Variants in CSTF3 observed in about 807,000 individuals in gnomAD.
CSTF3 encodes cleavage stimulation factor subunit 3.
In CSTF3, 29 loss-of-function variants were observed where a neutral mutation model predicts 105.8. The ratio of observed to expected loss-of-function variants is 0.27; its 90% CI spans 0.20 to 0.37. CSTF3 has a LOEUF of 0.37. Among genes scored for constraint, CSTF3 ranks in the 10% least tolerant of loss-of-function variants. CSTF3 has a pLI of 1.00. For synonymous variants in CSTF3, 252 were observed against 281.9 expected (o/e 0.89, Z 1.06); for missense variants, 357 against 879.3 (o/e 0.41, Z 7.51).
chr11:33,110,887 A>T (rs1283895772), intron 3 of CSTF3, among the ~76,000 whole-genome samples: 1 of 152,220 alleles, frequency 6.6e-6, no homozygotes, highest in Non-Finnish European at 1.5e-5. Flanking sequence ...CTAATAAAAA[A>T]AAAATGTATC....
At chr11:33,121,176 A>G (rs1205065224) in intron 3 of CSTF3, among the ~76,000 whole-genome samples, 4 of 152,116 alleles carry the variant, frequency 2.6e-5, no homozygotes, top group African/African-American at 9.7e-5. Context: ...AAAAGTAGAC[A>G]TAGCTAACCA....
chr11:33,157,684 A>C (rs1849884945), intron 1 of CSTF3, among the ~76,000 whole-genome samples: 1 of 152,222 alleles, frequency 6.6e-6, no homozygotes, highest in Non-Finnish European at 1.5e-5. Context: ...TAGCACCAAG[A>C]GAAAAATGAC....
At chr11:33,146,088 A>C (rs11032170) in intron 1 of CSTF3, among the ~76,000 whole-genome samples, 18,850 of 151,590 alleles carry the variant, frequency 0.12, 2,937 homozygotes, top group African/African-American at 0.37. Context: ...AAATACAAAA[A>C]TTAGCTGGGA....
chr11:33,135,725 C>T (rs940354059), intron 3 of CSTF3, among the ~76,000 whole-genome samples: 3 of 152,104 alleles, frequency 2.0e-5, no homozygotes, highest in Admixed American at 6.6e-5. Context: ...GAAAAAATTT[C>T]CAGGGAAACC....
chr11:33,111,058 G>A (rs1377799651), intron 3 of CSTF3, among the ~76,000 whole-genome samples: 2 of 151,960 alleles, frequency 1.3e-5, no homozygotes, highest in Non-Finnish European at 2.9e-5. Context: ...GTGAAACCCC[G>A]TGTCTACTAA....
chr11:33,131,407 G>GA (rs1336829484), intron 3 of CSTF3, among the ~76,000 whole-genome samples: 1 of 152,026 alleles, frequency 6.6e-6, no homozygotes, highest in Non-Finnish European at 1.5e-5. Context: ...CCTGATCAAA[G>GA]AAAGAGTCAG....
rs1366190489 is a variant in CSTF3, at chr11:33,106,118, T to C, written c.357-54A>G. On this transcript the variant is annotated intron_variant, in intron 5 of 20. Transcript: ENST00000323959. ...TAAATTTTTTTGTTATTAAAATTTATCTACAATTAGGCCAGACATGGTGGC... is the reference window on the plus strand; with the variant it reads ...TAAATTTTTTTGTTATTAAAATTTACCTACAATTAGGCCAGACATGGTGGC... 1.0e-5 allele frequency: 14 copies of C among 1,397,176 alleles called. No homozygotes were observed. The Admixed American group carries it at 2.1e-4, about 20-fold the overall frequency. The allele number at this position is 1,397,176 out of a possible 1,614,324, so 86.5% of individuals were successfully genotyped here.
intron 3 of CSTF3, among the ~76,000 whole-genome samples, chr11:33,112,877 G>A (rs1340266874): frequency 6.6e-6 from 1 of 151,974 alleles, no homozygotes; most frequent in Non-Finnish European, 1.5e-5. Flanking sequence ...AATAGAAAAT[G>A]TCTCCATTTA....
chr11:33,096,179 T>G (rs1855221378), intron 15 of CSTF3, 127 bp downstream of exon 15: 5 of 582,418 alleles, frequency 8.6e-6, no homozygotes, highest in Non-Finnish European at 1.4e-5. Flanking sequence ...AAGTATTTCT[T>G]GAGTGCCTAA....
chr11:33,104,470 T>C (rs528532081), intron 8 of CSTF3, among the ~76,000 whole-genome samples: 1 of 152,300 alleles, frequency 6.6e-6, no homozygotes, highest in Non-Finnish European at 1.5e-5. Context: ...ACATTTTTTG[T>C]TTTGGAAAAT....
In CSTF3 at chr11:33,111,658, A is replaced by G. The variant is rs539231767; in HGVS notation, c.226-3240T>C. On this transcript the variant is annotated intron_variant, in intron 3 of 20. Transcript: ENST00000323959. ...TCAGTAAAAATTATGTCTATTATGT[A>G]TATCTACGAAATAACCAAATTTTGC... Among the ~76,000 whole-genome samples the G allele has an allele frequency of 3.3e-5, 5 of 152,326 alleles. No homozygotes were observed. In the East Asian group the frequency reaches 7.7e-4, roughly 23 times the overall value.
chr11:33,146,373 A>G (rs1478490339), intron 1 of CSTF3, among the ~76,000 whole-genome samples: 2 of 152,186 alleles, frequency 1.3e-5, no homozygotes, highest in African/African-American at 4.8e-5. Context: ...CTATAGTTAC[A>G]TAAGACTGAA....
At chr11:33,108,318 A>C in intron 4 of CSTF3, 68 bp downstream of exon 4, 1 of 1,268,398 alleles carries the variant, frequency 7.9e-7, no homozygotes, top group Non-Finnish European at 1.0e-6. Flanking sequence ...ATTTTACTAC[A>C]TCTGTCTTAT....
chr11:33,158,328 G>A (rs1223353682), intron 1 of CSTF3, among the ~76,000 whole-genome samples: 1 of 152,096 alleles, frequency 6.6e-6, no homozygotes, highest in African/African-American at 2.4e-5. Flanking sequence ...AAAGAAAAAT[G>A]GCTATCACTG....
Position 33,090,589 on chromosome 11 carries a change from G to A in CSTF3, c.1584C>T (p.Tyr528=), listed in dbSNP as rs1410608804. 6.2e-7 allele frequency: 1 copy of A among 1,609,692 alleles called. No individual in the cohort carries two copies. The highest frequency in any genetic ancestry group is 8.5e-7 in the Non-Finnish European group (1 of 1,178,674). ...AGCAAGGATATAAATCCATGAACTT[G>A]TATCTATCTACTAGTAAAGCCGTTT... is the stretch of plus-strand genomic sequence containing the variant. ...GKETALLVDR[Y]KFMDLYPCSA... Residue 528 remains tyrosine (Y), a synonymous_variant, in exon 17 of 21, where the codon TAC becomes TAT. Coordinates refer to ENST00000323959, the MANE Select transcript of CSTF3 (RefSeq NM_001326.3).
Position 33,105,529 on chromosome 11 carries a change from C to G in CSTF3, c.585+38G>C, listed in dbSNP as rs1172984876. The G allele has an allele frequency of 1.9e-6, 3 of 1,553,430 alleles. No homozygotes were observed. In the South Asian group the frequency reaches 3.6e-5, roughly 19 times the overall value. On this transcript the variant is annotated intron_variant, in intron 8 of 20. Coordinates refer to ENST00000323959, the MANE Select transcript of CSTF3 (RefSeq NM_001326.3). ...CCACAATGCATAGAAATTAAAATGG[C>G]TTGGTTTATAATAAACAACTACTCT...
rs201853687 is a variant in CSTF3, at chr11:33,088,082, TATTA to T, written c.1642-945_1642-942del. On this transcript the variant is annotated intron_variant, in intron 17 of 20. Coordinates refer to ENST00000323959, the MANE Select transcript of CSTF3 (RefSeq NM_001326.3). ...TTGAAATGGAGTTGGTGACATCTGG[TATTA>T]ATTATATAAGCAAATCTAAATGGTA... Among the ~76,000 whole-genome samples the T allele has an allele frequency of 3.5e-3, 529 of 152,316 alleles. 4 individuals carry two copies. The highest frequency in any genetic ancestry group is 0.012 in the African/African-American group (491 of 41,552).
intron 3 of CSTF3, among the ~76,000 whole-genome samples, chr11:33,137,037 T>C (rs949659232): frequency 5.9e-5 from 9 of 151,792 alleles, no homozygotes; most frequent in South Asian, 2.1e-4. Flanking sequence ...TAAACCTTTT[T>C]CCACAATTTC....
At position 33,159,104 on chromosome 11, in the gene CSTF3, ATT is replaced by A. The variant is rs368679493; in HGVS notation, c.27+2193_27+2194del. Among the ~76,000 whole-genome samples, 637 of 152,238 alleles carry A rather than the reference ATT, an allele frequency of 4.2e-3. 1 individual carries two copies. Among genetic ancestry groups the A allele is most frequent in the African/African-American group, 0.014 (586 of 41,530 alleles). On this transcript the variant is annotated intron_variant, in intron 1 of 20. Transcript: ENST00000323959. ...GGTTATGTAACAACATTTTGCTCTTATTTATAAGAGAATGCTGAAATACTTGG... is the reference window on the plus strand; with the variant it reads ...GGTTATGTAACAACATTTTGCTCTTATATAAGAGAATGCTGAAATACTTGG...
Sources: gnomAD v4.1 joint callset for allele counts (sites outside exome capture counted in the v4.1 genomes callset) on GRCh38, gnomAD v4.1.1 for gene constraint, MANE v1.5 for transcripts, NCBI Gene and HGNC (gene_info 2026-07-23, HGNC 2026-07-21) for gene names.